Variants in DIAPH2 observed in about 807,000 individuals in gnomAD.
DIAPH2 encodes protein diaphanous homolog 2.
DIAPH2 carries 35 observed loss-of-function variants against 92.7 expected under a neutral mutation model. That is an observed-to-expected ratio of 0.38 (90% CI 0.29 to 0.50). The LOEUF (loss-of-function observed/expected upper bound fraction) is 0.50. Among genes scored for constraint, DIAPH2 ranks in the 20% least tolerant of loss-of-function variants. The probability of loss-of-function intolerance (pLI) is 0.94; values close to 1 mark genes in which losing one functional copy is unlikely to be tolerated. For missense variants in DIAPH2, 701 were observed against 819.5 expected, an observed-to-expected ratio of 0.86 and a Z score of 1.77; for synonymous variants, 301 against 280.4, an observed-to-expected ratio of 1.07 and a Z score of -0.73.
intron 5 of DIAPH2, among the ~76,000 whole-genome samples, chrX:96,908,753 C>T (rs187479399): frequency 9.0e-6 from 1 of 111,218 alleles, no homozygotes; most frequent in East Asian, 2.9e-4. Context: ...GCGCCCGCCA[C>T]CACGCCCAGC....
intron 22 of DIAPH2, among the ~76,000 whole-genome samples, chrX:97,234,103 C>T (rs2068028312): frequency 9.3e-6 from 1 of 108,047 alleles, no homozygotes; most frequent in Non-Finnish European, 1.9e-5. Flanking sequence ...GCCGGTAGAT[C>T]ACATGAGATC....
At chrX:97,021,707 G>T (rs1366601077) in intron 17 of DIAPH2, among the ~76,000 whole-genome samples, 1 of 111,696 alleles carries the variant, frequency 9.0e-6, no homozygotes, top group Non-Finnish European at 1.9e-5. Flanking sequence ...TAATAGAAAT[G>T]ATTAGGGAAA....
At chrX:97,440,434 A>G (rs1222033494) in intron 26 of DIAPH2, among the ~76,000 whole-genome samples, 2 of 109,780 alleles carry the variant, frequency 1.8e-5, no homozygotes, top group East Asian at 2.9e-4. Context: ...TCTACTAAAA[A>G]TACAAAAATT....
chrX:97,068,008 G>A (rs954536828), intron 17 of DIAPH2, among the ~76,000 whole-genome samples: 72 of 111,754 alleles, frequency 6.4e-4, no homozygotes, highest in African/African-American at 2.2e-3. Context: ...TGATGCATGC[G>A]TTTTTTAAGT....
chrX:97,026,639 G>C (rs1167621060), intron 17 of DIAPH2, among the ~76,000 whole-genome samples: 1 of 112,135 alleles, frequency 8.9e-6, no homozygotes, highest in Non-Finnish European at 1.9e-5. Context: ...GTTAAAGACT[G>C]CTGTTCTGCC....
At chrX:97,095,314 C>A (rs2066860481) in intron 19 of DIAPH2, among the ~76,000 whole-genome samples, 1 of 104,350 alleles carries the variant, frequency 9.6e-6, no homozygotes, top group Non-Finnish European at 2.0e-5. Context: ...GACGGGGTTT[C>A]ACCGTGTTAG....
chrX:97,308,739 G>A (rs1181536008), intron 23 of DIAPH2, among the ~76,000 whole-genome samples: 1 of 103,110 alleles, frequency 9.7e-6, no homozygotes, highest in Non-Finnish European at 2.0e-5. Context: ...TCCTGCCTCA[G>A]CCTCCCAAGT....
intron 1 of DIAPH2, among the ~76,000 whole-genome samples, chrX:96,695,471 A>G (rs2063820542): frequency 8.9e-6 from 1 of 112,141 alleles, no homozygotes; most frequent in South Asian, 3.7e-4. Flanking sequence ...CCATGAGAGC[A>G]AAATCCTACA....
At chrX:97,026,191 T>C (rs2066333856) in intron 17 of DIAPH2, among the ~76,000 whole-genome samples, 1 of 112,158 alleles carries the variant, frequency 8.9e-6, no homozygotes, top group Admixed American at 9.5e-5. Flanking sequence ...GCAAGATAGT[T>C]TATATTTTGA....
chrX:97,044,319 G>T (rs141793375), intron 17 of DIAPH2, among the ~76,000 whole-genome samples: 3,914 of 109,783 alleles, frequency 0.036, 87 homozygotes, highest in Middle Eastern at 0.085. Context: ...TTTCTTGCTT[G>T]TTAACATAGC....
rs1355154036 is a variant in DIAPH2 at position 97,397,359 on chromosome X, TTAA to T, written c.3145+13316_3145+13318del. Among the ~76,000 whole-genome samples the T allele has an allele frequency of 2.1e-3, 15 of 7,100 alleles. No homozygotes were observed. The Non-Finnish European group carries it at 0.12, about 57-fold the overall frequency. The allele number at this position is 7,100 out of a possible 115,157, so 6.2% of individuals were successfully genotyped here. A position where few individuals can be genotyped will look rare whatever the true frequency, so the allele number is the denominator to read the frequency against. On this transcript the variant is annotated intron_variant, in intron 25 of 26. Transcript: ENST00000324765. ...CACTGGAATCTACTTTAAATGTACT[TTAA>T]AAAAAAAAATTCTTTTTGTCAGACT...
At chrX:97,028,433 T>C (rs774514027) in intron 17 of DIAPH2, among the ~76,000 whole-genome samples, 3 of 111,878 alleles carry the variant, frequency 2.7e-5, no homozygotes, top group African/African-American at 6.5e-5. Flanking sequence ...AAGAAACCTG[T>C]ACCCATTAGC....
At chrX:96,796,020 G>T (rs895650749) in intron 4 of DIAPH2, among the ~76,000 whole-genome samples, 6 of 111,693 alleles carry the variant, frequency 5.4e-5, no homozygotes, top group African/African-American at 1.3e-4. Flanking sequence ...ATGGAGGGCT[G>T]ACCATGAGGG....
intron 26 of DIAPH2, among the ~76,000 whole-genome samples, chrX:97,495,736 C>T (rs1219640955): frequency 9.0e-6 from 1 of 111,605 alleles, no homozygotes; most frequent in East Asian, 2.8e-4. Flanking sequence ...AACTTGTTTT[C>T]AAAGCAATAC....
At position 97,032,215 on chromosome X, in the gene DIAPH2, T is replaced by A. The variant is rs186701617; in HGVS notation, c.2051-40726T>A. ...GTCTGAGAGATGTTTGGGACCTGGT[T>A]GGGGATGGAGAAGGGGCCATTTGGT... On this transcript the variant is annotated intron_variant, in intron 17 of 26. Transcript: ENST00000324765. Among the ~76,000 whole-genome samples the A allele has an allele frequency of 7.7e-4, 86 of 111,049 alleles. No individual in the cohort carries two copies. In the Middle Eastern group the frequency reaches 0.014, roughly 18 times the overall value.
intron 5 of DIAPH2, among the ~76,000 whole-genome samples, chrX:96,892,197 C>T (rs1190358184): frequency 9.0e-6 from 1 of 111,657 alleles, no homozygotes; most frequent in Non-Finnish European, 1.9e-5. Context: ...GATCAATACT[C>T]TTAGAACATT....
intron 23 of DIAPH2, among the ~76,000 whole-genome samples, chrX:97,330,747 A>G (rs1484313589): frequency 9.0e-6 from 1 of 111,408 alleles, no homozygotes; most frequent in Admixed American, 9.6e-5. Context: ...TCCTAACCTC[A>G]GGTGATCTAC....
chrX:97,160,188 C>T (rs1302079224), intron 22 of DIAPH2, among the ~76,000 whole-genome samples: 5 of 111,614 alleles, frequency 4.5e-5, no homozygotes, highest in Admixed American at 1.9e-4. Context: ...TGCTTTTCTC[C>T]AAGAGTCAGC....
At chrX:96,748,888 G>C (rs1436335729) in intron 3 of DIAPH2, among the ~76,000 whole-genome samples, 1 of 110,591 alleles carries the variant, frequency 9.0e-6, no homozygotes, top group African/African-American at 3.3e-5. Flanking sequence ...CTGTTTCAGG[G>C]CACATGAAAG....
Sources: gnomAD v4.1 joint callset for allele counts (sites outside exome capture counted in the v4.1 genomes callset) on GRCh38, gnomAD v4.1.1 for gene constraint, MANE v1.5 for transcripts, NCBI Gene and HGNC (gene_info 2026-07-23, HGNC 2026-07-21) for gene names.